The following KLHL29 variants were observed in gnomAD, a reference collection of about 807,000 sequenced individuals.
KLHL29 encodes kelch-like protein 29.
In KLHL29, 21 loss-of-function variants were observed where a neutral mutation model predicts 80.4. That is an observed-to-expected ratio of 0.26 (90% CI 0.19 to 0.38). The LOEUF is 0.38. Among genes scored for constraint, KLHL29 ranks in the 10% least tolerant of loss-of-function variants. KLHL29 has a pLI of 1.00. For missense variants in KLHL29, 867 were observed against 1,223.9 expected, an observed-to-expected ratio of 0.71 and a Z score of 4.35; for synonymous variants, 511 against 526.8, an observed-to-expected ratio of 0.97 and a Z score of 0.41.
At chr2:23,431,213 G>A (rs934869085) in intron 1 of KLHL29, among the ~76,000 whole-genome samples, 1 of 152,158 alleles carries the variant, frequency 6.6e-6, no homozygotes, top group Non-Finnish European at 1.5e-5. Context: ...CTACTCTCCC[G>A]AGGCTGGAGC....
At chr2:23,617,306 C>T (rs1195750296) in intron 3 of KLHL29, 2 of 152,240 alleles carry the variant, frequency 1.3e-5, no homozygotes, top group African/African-American at 4.8e-5. Context: ...GAAGGCAGTT[C>T]CAGGCTGGCC....
In KLHL29 at chr2:23,492,576, G is replaced by C. The variant is rs1022063939; in HGVS notation, c.-46+16909G>C. ...CTTTAAGAAATTAGCTGGAGCATCA[G>C]ATTAAATCTCCTTTGCAATGGGAAG... On this transcript the variant is annotated intron_variant, in intron 2 of 13. Transcript: ENST00000486442. 2.8e-4 allele frequency among the ~76,000 whole-genome samples: 42 copies of C among 152,236 alleles called. 1 individual carries two copies. The highest frequency in any genetic ancestry group is 9.9e-4 in the African/African-American group (41 of 41,468).
intron 2 of KLHL29, among the ~76,000 whole-genome samples, chr2:23,551,142 C>T (rs62125425): frequency 0.24 from 35,775 of 152,170 alleles, 4,849 homozygotes; most frequent in Non-Finnish European, 0.29. Context: ...GCTCCCTCAT[C>T]GATCCTGATG....
chr2:23,437,500 A>G (rs567458252), intron 1 of KLHL29, among the ~76,000 whole-genome samples: 1 of 152,342 alleles, frequency 6.6e-6, no homozygotes, highest in African/African-American at 2.4e-5. Flanking sequence ...AGGTTCTGCT[A>G]TCTAATTATT....
At position 23,700,989 on chromosome 2, in the gene KLHL29, G is replaced by A. The variant is rs142937386; in HGVS notation, c.2106-2197G>A. Among the ~76,000 whole-genome samples, 1 of 152,070 alleles carries A rather than the reference G, an allele frequency of 6.6e-6. No individual in the cohort carries two copies. The highest frequency in any genetic ancestry group is 2.4e-5 in the African/African-American group (1 of 41,392). ...CTCCTGAGCTTCCATTTCCAGCTTT[G>A]TGCCAGAGATCCCACAGCTGAATAT... On this transcript the variant is annotated intron_variant, in intron 11 of 13. Coordinates refer to ENST00000486442, the MANE Select transcript of KLHL29 (RefSeq NM_052920.2). The surrounding 1 kb of genome is among the most constrained non-coding windows in gnomAD (Gnocchi z 4.6).
intron 3 of KLHL29, among the ~76,000 whole-genome samples, chr2:23,621,527 C>CAGG (rs1188723951): frequency 3.6e-5 from 5 of 137,380 alleles, no homozygotes; most frequent in East Asian, 2.1e-4. Context: ...AGGAAGAGCT[C>CAGG]AGGAGGAGGA....
chr2:23,450,383 T>C (rs946174537), intron 1 of KLHL29, among the ~76,000 whole-genome samples: 1 of 152,118 alleles, frequency 6.6e-6, no homozygotes, highest in Non-Finnish European at 1.5e-5. Flanking sequence ...TTTTCTTAAT[T>C]CATATTTAAT....
intron 5 of KLHL29, among the ~76,000 whole-genome samples, chr2:23,683,295 C>A (rs903351026): frequency 6.6e-6 from 1 of 152,200 alleles, no homozygotes; most frequent in African/African-American, 2.4e-5. Flanking sequence ...AATCGCCTGG[C>A]CTGAAGACAG....
chr2:23,387,611 T>A (rs1381903675), intron 1 of KLHL29, among the ~76,000 whole-genome samples: 1 of 151,984 alleles, frequency 6.6e-6, no homozygotes, highest in Admixed American at 6.5e-5. Context: ...TTTTATAGAT[T>A]GTTCTTTCCG....
chr2:23,563,386 G>C (rs1457901240), intron 3 of KLHL29, among the ~76,000 whole-genome samples: 1 of 152,252 alleles, frequency 6.6e-6, no homozygotes, highest in Non-Finnish European at 1.5e-5. Context: ...TCACCGAGCA[G>C]GGGCTGTGCA....
intron 2 of KLHL29, among the ~76,000 whole-genome samples, chr2:23,506,477 G>T (rs1709327): frequency 0.38 from 57,824 of 151,992 alleles, 11,446 homozygotes; most frequent in Middle Eastern, 0.42. Flanking sequence ...AAGAGCCACT[G>T]CTCCTGTAGG....
At chr2:23,508,161 C>T (rs1288762169) in intron 2 of KLHL29, among the ~76,000 whole-genome samples, 2 of 152,192 alleles carry the variant, frequency 1.3e-5, no homozygotes, top group African/African-American at 2.4e-5. Flanking sequence ...TGTGGCTCAA[C>T]GCTGTTCCAG....
In KLHL29 at chr2:23,669,707, A is replaced by G. The variant is rs1380113043; in HGVS notation, c.941-14692A>G. 1.3e-5 allele frequency among the ~76,000 whole-genome samples: 2 copies of G among 152,074 alleles called. No homozygotes were observed. Among genetic ancestry groups the G allele is most frequent in the Non-Finnish European group, 2.9e-5 (2 of 67,990 alleles). On this transcript the variant is annotated intron_variant, in intron 5 of 13. Transcript: ENST00000486442. This position sits in a 1 kb window ranked among gnomAD's most constrained non-coding sequence, Gnocchi z 4.3. ...TCTGTGTGGCTGCCCTGCCACCCCC[A>G]GTCAGCCTCTGAGCACAGTGGCCGG...
intron 5 of KLHL29, among the ~76,000 whole-genome samples, chr2:23,649,338 C>G (rs933799968): frequency 6.6e-6 from 1 of 152,268 alleles, no homozygotes; most frequent in African/African-American, 2.4e-5. Context: ...TGAGCTGTAC[C>G]TGCCCCAGCC....
chr2:23,424,969 G>C (rs539179669), intron 1 of KLHL29, among the ~76,000 whole-genome samples: 1 of 152,240 alleles, frequency 6.6e-6, no homozygotes, highest in East Asian at 1.9e-4. Context: ...AGATATGTTG[G>C]TCCCCAAACC....
At chr2:23,564,084 T>G in intron 3 of KLHL29, among the ~76,000 whole-genome samples, 1 of 152,238 alleles carries the variant, frequency 6.6e-6, no homozygotes, top group Non-Finnish European at 1.5e-5. Context: ...TGCTCGGGGC[T>G]CCAGGTGGGA....
At chr2:23,652,109 A>G (rs560216708) in intron 5 of KLHL29, among the ~76,000 whole-genome samples, 1 of 152,320 alleles carries the variant, frequency 6.6e-6, no homozygotes, top group East Asian at 1.9e-4. Flanking sequence ...TGTAGTTACA[A>G]TGTCTGCCTT....
At chr2:23,404,930 C>G (rs1666689142) in intron 1 of KLHL29, among the ~76,000 whole-genome samples, 1 of 152,220 alleles carries the variant, frequency 6.6e-6, no homozygotes, top group Non-Finnish European at 1.5e-5. Context: ...TTCTCTAGGT[C>G]CAAGTTCTTT....
intron 3 of KLHL29, among the ~76,000 whole-genome samples, chr2:23,592,230 G>A (rs756987609): frequency 5.5e-4 from 75 of 135,590 alleles, no homozygotes; most frequent in Non-Finnish European, 8.2e-4. Flanking sequence ...ACAGGAGCAC[G>A]TCAGAAGCCC....
Sources: allele counts gnomAD v4.1 joint callset (sites outside exome capture counted in the v4.1 genomes callset), GRCh38; gene constraint gnomAD v4.1.1; non-coding constraint Gnocchi (gnomAD v3.1); transcripts MANE v1.5; gene names NCBI Gene and HGNC (gene_info 2026-07-23, HGNC 2026-07-21).